Variants in GLT1D1 observed in about 807,000 individuals in gnomAD.
GLT1D1 encodes glycosyltransferase 1 domain containing 1.
A neutral mutation model predicts 28.7 loss-of-function variants in GLT1D1; 21 were observed. That is an observed-to-expected ratio of 0.73 (90% confidence interval 0.52 to 1.05). The LOEUF (loss-of-function observed/expected upper bound fraction) is 1.05, where lower values mean the gene tolerates loss of function less well. Among genes scored for constraint, GLT1D1 ranks in the 50% least tolerant of loss-of-function variants. GLT1D1 has a pLI of 0.00. For synonymous variants in GLT1D1, 147 were observed against 124.8 expected (o/e 1.18, Z -1.19); for missense variants, 343 against 330.6 (o/e 1.04, Z -0.29).
chr12:128,944,841 A>C (rs1875806559), intron 4 of GLT1D1: 1 of 269,166 alleles, frequency 3.7e-6, no homozygotes, highest in African/African-American at 2.2e-5. Context: ...GTACATGTGC[A>C]CAATGTGCAG....
intron 4 of GLT1D1, chr12:128,944,511 A>T: frequency 1.0e-6 from 1 of 974,468 alleles, no homozygotes; most frequent in South Asian, 1.3e-5. Flanking sequence ...CAATGCCCAC[A>T]GTTGTGGGAG....
intron 1 of GLT1D1, among the ~76,000 whole-genome samples, chr12:128,854,987 G>A (rs1956178929): frequency 6.6e-6 from 1 of 152,060 alleles, no homozygotes; most frequent in South Asian, 2.1e-4. Flanking sequence ...GCTCTGCTTG[G>A]GTTTAGCAGT....
At chr12:128,891,313 C>T (rs571546849) in intron 3 of GLT1D1, among the ~76,000 whole-genome samples, 1 of 152,184 alleles carries the variant, frequency 6.6e-6, no homozygotes, top group South Asian at 2.1e-4. Context: ...TTTGGCTGGA[C>T]AGTCAAGGGG....
chr12:128,877,215 G>A (rs1000399601), intron 2 of GLT1D1, among the ~76,000 whole-genome samples: 6 of 152,182 alleles, frequency 3.9e-5, no homozygotes, highest in Non-Finnish European at 7.3e-5. Context: ...TGTCTGGCCT[G>A]AGTGATTTCC....
At position 128,933,843 on chromosome 12, in the gene GLT1D1, T is replaced by C. The variant is rs141174010; in HGVS notation, c.376-11483T>C. Among the ~76,000 whole-genome samples, 2 of 152,306 alleles carry C rather than the reference T, an allele frequency of 1.3e-5. 1 individual carries two copies. Among genetic ancestry groups the C allele is most frequent in the Non-Finnish European group, 2.9e-5 (2 of 68,026 alleles). ...AGAACTAGGAGGGGACTAAGGCGAT[T>C]TCATGCTTGAAGTTGACTATTTCCT... On this transcript the variant is annotated intron_variant, in intron 4 of 7. Coordinates refer to ENST00000281703, the MANE Select transcript of GLT1D1 (RefSeq NM_144669.3).
At chr12:128,885,969 G>A (rs1158300760) in intron 2 of GLT1D1, among the ~76,000 whole-genome samples, 1 of 152,152 alleles carries the variant, frequency 6.6e-6, no homozygotes, top group African/African-American at 2.4e-5. Context: ...GTGTGTTGTG[G>A]GAAGGACCTG....
At chr12:128,946,878 A>G (rs1876174207) in intron 5 of GLT1D1, among the ~76,000 whole-genome samples, 1 of 144,944 alleles carries the variant, frequency 6.9e-6, no homozygotes, top group African/African-American at 2.6e-5. Flanking sequence ...CCAACTTCTG[A>G]TCTCAGGTGA....
At chr12:128,943,476 C>T (rs1433319127) in intron 4 of GLT1D1, among the ~76,000 whole-genome samples, 1 of 151,984 alleles carries the variant, frequency 6.6e-6, no homozygotes, top group African/African-American at 2.4e-5. Context: ...ACCTGAGTCA[C>T]ATCTGAAAAC....
chr12:128,951,277 C>A (rs896931072), intron 6 of GLT1D1, among the ~76,000 whole-genome samples: 8 of 152,104 alleles, frequency 5.3e-5, no homozygotes, highest in Non-Finnish European at 1.2e-4. Context: ...ATGACGTGCA[C>A]CTGTAATCCC....
chr12:128,921,940 G>A (rs539123439), intron 4 of GLT1D1, among the ~76,000 whole-genome samples: 1 of 147,998 alleles, frequency 6.8e-6, no homozygotes, highest in African/African-American at 2.5e-5. Context: ...TTTCCAATTC[G>A]GTAATACTGA....
chr12:128,974,907 C>A (rs529120337), intron 7 of GLT1D1, among the ~76,000 whole-genome samples: 2 of 152,338 alleles, frequency 1.3e-5, no homozygotes, highest in South Asian at 2.1e-4. Context: ...GCTCTCTCTT[C>A]GCTAAAGAAG....
At chr12:128,891,770 G>A (rs764783913) in intron 3 of GLT1D1, among the ~76,000 whole-genome samples, 3 of 152,124 alleles carry the variant, frequency 2.0e-5, no homozygotes, top group Non-Finnish European at 4.4e-5. Flanking sequence ...TGAGGACCCC[G>A]ATCGTATGTT....
intron 3 of GLT1D1, among the ~76,000 whole-genome samples, chr12:128,898,964 G>A: frequency 6.6e-6 from 1 of 152,166 alleles, no homozygotes; most frequent in African/African-American, 2.4e-5. Flanking sequence ...TCTTGCTTTT[G>A]ATTTTATCCC....
At chr12:128,945,242 G>C in intron 4 of GLT1D1, 84 bp from the exon 9 acceptor site, 1 of 1,390,160 alleles carries the variant, frequency 7.2e-7, no homozygotes, top group Admixed American at 1.7e-5. Context: ...GCTGGCACCA[G>C]GGCTTTGGCC....
chr12:128,965,328 G>C (rs757745114), intron 7 of GLT1D1, among the ~76,000 whole-genome samples: 22 of 152,192 alleles, frequency 1.4e-4, no homozygotes, highest in Non-Finnish European at 2.6e-4. Flanking sequence ...GTGGGAGAAA[G>C]ATGGCTTGGG....
chr12:128,904,824 G>T (rs927558141), intron 4 of GLT1D1, among the ~76,000 whole-genome samples: 2 of 152,122 alleles, frequency 1.3e-5, no homozygotes, highest in African/African-American at 4.8e-5. Flanking sequence ...AATAGAGATG[G>T]GGTTTCACCA....
rs989444018 is a variant in GLT1D1 at position 128,961,801 on chromosome 12, G to A, written c.639+4158G>A. On this transcript the variant is annotated intron_variant, in intron 7 of 7. Transcript: ENST00000281703. ...CCTCATAGACACACCCAGAGATAAG[G>A]CGTCACCAGCTATCTGGACATCCCT... Among the ~76,000 whole-genome samples, 3 of 152,148 alleles carry A rather than the reference G, an allele frequency of 2.0e-5. No homozygotes were observed. The East Asian group carries it at 5.8e-4, about 29-fold the overall frequency.
chr12:128,948,893 A>G (rs894977111), intron 6 of GLT1D1, among the ~76,000 whole-genome samples: 1 of 151,040 alleles, frequency 6.6e-6, no homozygotes, highest in Non-Finnish European at 1.5e-5. Flanking sequence ...AAAAAAACAC[A>G]GAGGGAGATG....
intron 7 of GLT1D1, among the ~76,000 whole-genome samples, chr12:128,958,643 A>G (rs1877554613): frequency 6.9e-6 from 1 of 145,726 alleles, no homozygotes; most frequent in African/African-American, 2.5e-5. Context: ...CCAGCTACTC[A>G]GGAGGCCAAG....
Sources: gnomAD v4.1 joint callset for allele counts (sites outside exome capture counted in the v4.1 genomes callset) on GRCh38, gnomAD v4.1.1 for gene constraint, MANE v1.5 for transcripts, NCBI Gene and HGNC (gene_info 2026-07-23, HGNC 2026-07-21) for gene names.